The following LCLAT1 variants were observed in gnomAD, a reference collection of about 807,000 sequenced individuals.
LCLAT1 encodes lysocardiolipin acyltransferase 1.
In LCLAT1, 11 loss-of-function variants were observed where a neutral mutation model predicts 30.7. That is an observed-to-expected ratio of 0.36 (90% confidence interval 0.23 to 0.59). The LOEUF is 0.59. LCLAT1 is among the 20% of genes least tolerant of loss of function. The pLI is 0.77. For missense variants in LCLAT1, 402 were observed against 458.6 expected (o/e 0.88, Z 1.13); for synonymous variants, 155 against 151.3 (o/e 1.02, Z -0.18).
intron 1 of LCLAT1, among the ~76,000 whole-genome samples, chr2:30,463,708 A>G (rs1682282212): frequency 6.6e-6 from 1 of 152,216 alleles, no homozygotes; most frequent in African/African-American, 2.4e-5. Context: ...GCTATATGCA[A>G]ATATGATGTC....
chr2:30,464,886 T>A (rs1203819513), intron 1 of LCLAT1, among the ~76,000 whole-genome samples: 1 of 152,112 alleles, frequency 6.6e-6, no homozygotes, highest in Admixed American at 6.5e-5. Flanking sequence ...TATTTACTTT[T>A]TGTTTTATTT....
At chr2:30,636,153 G>T (rs140005985) in intron 5 of LCLAT1, among the ~76,000 whole-genome samples, 9 of 152,154 alleles carry the variant, frequency 5.9e-5, no homozygotes, top group Non-Finnish European at 1.3e-4. Flanking sequence ...GATGAAATAC[G>T]TCAGGAAAAA....
At chr2:30,564,063 C>T (rs1036747245) in intron 4 of LCLAT1, among the ~76,000 whole-genome samples, 2 of 152,004 alleles carry the variant, frequency 1.3e-5, no homozygotes, top group African/African-American at 4.8e-5. Context: ...ATAATGGCTG[C>T]TTGTTGAAGC....
At chr2:30,521,568 C>T (rs867305120) in intron 1 of LCLAT1, among the ~76,000 whole-genome samples, 66 of 127,118 alleles carry the variant, frequency 5.2e-4, no homozygotes, top group Admixed American at 1.8e-3. Flanking sequence ...AGTGCAGTGG[C>T]ACCATCTTGG....
At chr2:30,518,296 A>G (rs1225863860) in intron 1 of LCLAT1, among the ~76,000 whole-genome samples, 2 of 152,216 alleles carry the variant, frequency 1.3e-5, no homozygotes, top group Non-Finnish European at 2.9e-5. Flanking sequence ...TTCCTTGAGG[A>G]CAGGACAATA....
chr2:30,638,914 C>T (rs1460000212), intron 5 of LCLAT1, among the ~76,000 whole-genome samples: 2 of 135,508 alleles, frequency 1.5e-5, no homozygotes, highest in African/African-American at 5.3e-5. Context: ...TACGTCCTCT[C>T]CATTTCTTGC....
intron 1 of LCLAT1, among the ~76,000 whole-genome samples, chr2:30,473,298 A>G (rs1376597759): frequency 6.6e-6 from 1 of 152,180 alleles, no homozygotes; most frequent in Non-Finnish European, 1.5e-5. Context: ...CTGAACAAGG[A>G]GGGCGGGTTG....
At chr2:30,632,753 G>A (rs1668829493) in intron 5 of LCLAT1, among the ~76,000 whole-genome samples, 1 of 152,162 alleles carries the variant, frequency 6.6e-6, no homozygotes. Context: ...AGGGACTATT[G>A]TGTCCATTTA....
chr2:30,478,665 CAATA>C (rs1384607126), intron 1 of LCLAT1, among the ~76,000 whole-genome samples: 22 of 149,148 alleles, frequency 1.5e-4, no homozygotes, highest in African/African-American at 4.3e-4. Context: ...GAGAACCTGT[CAATA>C]AATAAATAAA....
chr2:30,599,292 A>G (rs1054548563), intron 5 of LCLAT1, among the ~76,000 whole-genome samples: 5 of 152,140 alleles, frequency 3.3e-5, no homozygotes, highest in Non-Finnish European at 5.9e-5. Context: ...TTTGAGTTTC[A>G]TTAATCTGAG....
chr2:30,544,014 T>C (rs1419533952), intron 3 of LCLAT1, among the ~76,000 whole-genome samples: 3 of 152,230 alleles, frequency 2.0e-5, no homozygotes, highest in Non-Finnish European at 4.4e-5. Context: ...CCATGTTCCT[T>C]TTTTAACACA....
chr2:30,591,157 G>C (rs1339518560), intron 5 of LCLAT1, among the ~76,000 whole-genome samples: 1 of 152,028 alleles, frequency 6.6e-6, no homozygotes, highest in Admixed American at 6.6e-5. Context: ...AAATCAGTTT[G>C]TATAACTGAA....
intron 1 of LCLAT1, among the ~76,000 whole-genome samples, chr2:30,503,950 C>A (rs1005662905): frequency 6.6e-6 from 1 of 152,142 alleles, no homozygotes; most frequent in Non-Finnish European, 1.5e-5. Context: ...TCTAAGATCC[C>A]CTTCTAATGG....
chr2:30,572,757 T>TG (rs1356227383), intron 5 of LCLAT1, among the ~76,000 whole-genome samples: 2 of 152,022 alleles, frequency 1.3e-5, no homozygotes, highest in African/African-American at 4.8e-5. Flanking sequence ...TCCTTGGCTC[T>TG]ACTGTGAGTT....
At chr2:30,601,760 A>T (rs1667194543) in intron 5 of LCLAT1, among the ~76,000 whole-genome samples, 1 of 151,888 alleles carries the variant, frequency 6.6e-6, no homozygotes, top group African/African-American at 2.4e-5. Context: ...CAACAAAGTG[A>T]CATAAATGTT....
intron 5 of LCLAT1, among the ~76,000 whole-genome samples, chr2:30,637,180 G>A (rs1669077376): frequency 6.6e-6 from 1 of 152,192 alleles, no homozygotes; most frequent in Non-Finnish European, 1.5e-5. Flanking sequence ...CCTAAAACAA[G>A]GATTATGGTT....
chr2:30,493,221 T>C (rs1452957305), intron 1 of LCLAT1, among the ~76,000 whole-genome samples: 3 of 152,228 alleles, frequency 2.0e-5, no homozygotes, highest in Non-Finnish European at 4.4e-5. Flanking sequence ...TCTTATTATT[T>C]AATGTAGACT....
At chr2:30,599,300 G>A (rs1438041523) in intron 5 of LCLAT1, among the ~76,000 whole-genome samples, 2 of 152,248 alleles carry the variant, frequency 1.3e-5, no homozygotes, top group East Asian at 3.9e-4. Flanking sequence ...TCATTAATCT[G>A]AGTTCTAATT....
At chr2:30,457,645 A>G (rs181893819) in intron 1 of LCLAT1, among the ~76,000 whole-genome samples, 200 of 152,256 alleles carry the variant, frequency 1.3e-3, no homozygotes, top group African/African-American at 4.5e-3. Context: ...TTCTCATTTG[A>G]ACCAATTGGA....
Sources: gnomAD v4.1 joint callset for allele counts (sites outside exome capture counted in the v4.1 genomes callset) on GRCh38, gnomAD v4.1.1 for gene constraint, MANE v1.5 for transcripts, NCBI Gene and HGNC (gene_info 2026-07-23, HGNC 2026-07-21) for gene names.